The following KDM4C variants were observed in gnomAD, a reference collection of about 807,000 sequenced individuals.
KDM4C encodes lysine-specific demethylase 4C.
Under a neutral mutation model 129.3 loss-of-function variants are expected in KDM4C, and 81 were observed. The observed-to-expected ratio is 0.63, with a 90% CI of 0.52 to 0.75. The LOEUF (loss-of-function observed/expected upper bound fraction) is 0.75, where lower values mean the gene tolerates loss of function less well. Ranked by LOEUF, KDM4C falls within the 30% of genes least tolerant of loss-of-function variation. The pLI, the probability that KDM4C is intolerant of heterozygous loss-of-function variation, is 0.00. For missense variants in KDM4C, 1,457 were observed against 1,304.0 expected, an observed-to-expected ratio of 1.12 and a Z score of -1.81; for synonymous variants, 573 against 456.1, an observed-to-expected ratio of 1.26 and a Z score of -3.26.
intron 4 of KDM4C, among the ~76,000 whole-genome samples, chr9:6,846,363 A>C (rs1367224769): frequency 2.1e-4 from 32 of 152,222 alleles, no homozygotes; most frequent in Non-Finnish European, 2.9e-5. Context: ...AAGTGTGTAT[A>C]GTGTAATGAG....
At chr9:6,909,352 A>G (rs1026544391) in intron 8 of KDM4C, among the ~76,000 whole-genome samples, 2 of 152,234 alleles carry the variant, frequency 1.3e-5, no homozygotes, top group African/African-American at 4.8e-5. Context: ...ACTGGACCCA[A>G]AAGGCTCTCA....
At chr9:6,892,658 T>G (rs1846264400) in intron 7 of KDM4C, among the ~76,000 whole-genome samples, 1 of 152,230 alleles carries the variant, frequency 6.6e-6, no homozygotes, top group Non-Finnish European at 1.5e-5. Context: ...GAATTCATGA[T>G]ATAGCCTGCC....
chr9:6,959,386 T>C (rs1225901193), intron 8 of KDM4C, among the ~76,000 whole-genome samples: 1 of 152,228 alleles, frequency 6.6e-6, no homozygotes, highest in East Asian at 1.9e-4. Context: ...CTGTGGTACC[T>C]GTCAGAGGCT....
chr9:6,761,507 T>C (rs930076239), intron 1 of KDM4C, among the ~76,000 whole-genome samples: 1 of 151,890 alleles, frequency 6.6e-6, no homozygotes, highest in Admixed American at 6.6e-5. Flanking sequence ...TGGCTGATTT[T>C]TGTGGTCTTG....
At chr9:6,910,522 G>A (rs903636985) in intron 8 of KDM4C, among the ~76,000 whole-genome samples, 5 of 152,134 alleles carry the variant, frequency 3.3e-5, no homozygotes, top group African/African-American at 4.8e-5. Context: ...ACTACAAAAC[G>A]TAAATATAAT....
intron 8 of KDM4C, among the ~76,000 whole-genome samples, chr9:6,950,077 GT>G (rs34684815): frequency 3.0e-5 from 4 of 131,278 alleles, no homozygotes; most frequent in Admixed American, 1.5e-4. Flanking sequence ...ATCTTTTCTT[GT>G]TTTTTTTTTT....
intron 1 of KDM4C, among the ~76,000 whole-genome samples, chr9:6,742,558 CTTTT>C (rs113102026): frequency 7.2e-6 from 1 of 139,374 alleles, no homozygotes; most frequent in African/African-American, 2.6e-5. Context: ...GTTTCTTCAA[CTTTT>C]TTTTTTTTTT....
At chr9:6,831,530 A>G (rs565906706) in intron 4 of KDM4C, among the ~76,000 whole-genome samples, 2 of 151,938 alleles carry the variant, frequency 1.3e-5, no homozygotes, top group Non-Finnish European at 2.9e-5. Context: ...TTTAGTAGAG[A>G]TGGGGTTTCA....
chr9:6,895,630 A>C (rs1816290251), intron 8 of KDM4C, among the ~76,000 whole-genome samples: 2 of 152,148 alleles, frequency 1.3e-5, no homozygotes, highest in Non-Finnish European at 1.5e-5. Flanking sequence ...GGGCTGGGGC[A>C]GTAGCTCATG....
chr9:7,134,570 AC>A (rs1840991877), intron 19 of KDM4C, among the ~76,000 whole-genome samples: 1 of 152,238 alleles, frequency 6.6e-6, no homozygotes, highest in Non-Finnish European at 1.5e-5. Flanking sequence ...AATAAATCAG[AC>A]ATTAGTTAGC....
At chr9:6,792,945 C>A in intron 1 of KDM4C, 27 bp from the exon 2 acceptor site, 1 of 1,611,032 alleles carries the variant, frequency 6.2e-7, no homozygotes. Flanking sequence ...TAATTCAGTT[C>A]TGTTGACCCT....
At chr9:7,135,218 A>G (rs1188961228) in intron 19 of KDM4C, among the ~76,000 whole-genome samples, 1 of 151,280 alleles carries the variant, frequency 6.6e-6, no homozygotes, top group African/African-American at 2.4e-5. Context: ...GAGATTCAGT[A>G]GTTGCCACAA....
chr9:6,915,711 C>T (rs1158126416), intron 8 of KDM4C, among the ~76,000 whole-genome samples: 1 of 152,042 alleles, frequency 6.6e-6, no homozygotes, highest in South Asian at 2.1e-4. Context: ...CTTATTGGAG[C>T]CTTAGTCTTG....
At chr9:7,149,109 A>T (rs998591308) in intron 19 of KDM4C, among the ~76,000 whole-genome samples, 1 of 152,216 alleles carries the variant, frequency 6.6e-6, no homozygotes, top group Non-Finnish European at 1.5e-5. Flanking sequence ...TTGCATGCCC[A>T]TGCCGAGCCG....
In KDM4C at chr9:6,731,526, G is replaced by T. The variant is rs1035537909; in HGVS notation, c.49+10529G>T. ...TTTTTTGTATTTTTAGTAGAGACGG[G>T]GTTTCTCCATGTTGAGGCTGGTCTC... is the stretch of plus-strand genomic sequence containing the variant. On this transcript the variant is annotated intron_variant, in intron 1 of 17. Transcript: ENST00000536108. Among the ~76,000 whole-genome samples, 3 of 151,676 alleles carry T rather than the reference G, an allele frequency of 2.0e-5. No homozygotes were observed. The South Asian group carries it at 6.3e-4, about 32-fold the overall frequency.
At chr9:6,868,669 T>G (rs1387926806) in intron 5 of KDM4C, among the ~76,000 whole-genome samples, 1 of 152,136 alleles carries the variant, frequency 6.6e-6, no homozygotes, top group Non-Finnish European at 1.5e-5. Context: ...AGTTTGTACA[T>G]GTTCAGTACA....
At chr9:6,891,433 A>G (rs540952795) in intron 7 of KDM4C, among the ~76,000 whole-genome samples, 1 of 152,348 alleles carries the variant, frequency 6.6e-6, no homozygotes, top group African/African-American at 2.4e-5. Flanking sequence ...ATATGATTCT[A>G]TTAATATTAA....
At chr9:7,093,443 G>A (rs1285887998) in intron 17 of KDM4C, among the ~76,000 whole-genome samples, 1 of 152,132 alleles carries the variant, frequency 6.6e-6, no homozygotes, top group African/African-American at 2.4e-5. Flanking sequence ...ACACCATGAT[G>A]TTCTTCATTT....
chr9:7,091,660 T>C (rs1835818331), intron 17 of KDM4C, among the ~76,000 whole-genome samples: 1 of 152,244 alleles, frequency 6.6e-6, no homozygotes. Flanking sequence ...GACAAGGATT[T>C]TTTTTCTTTC....
Sources: gnomAD v4.1 joint callset for allele counts (sites outside exome capture counted in the v4.1 genomes callset) on GRCh38, gnomAD v4.1.1 for gene constraint, MANE v1.5 for transcripts, NCBI Gene and HGNC (gene_info 2026-07-23, HGNC 2026-07-21) for gene names.